BICC1: variants seen among roughly 807,000 people sequenced by gnomAD.
BICC1 encodes the protein protein bicaudal C homolog 1.
In BICC1, 43 loss-of-function variants were observed where a neutral mutation model predicts 111.0. The ratio of observed to expected loss-of-function variants is 0.39; its 90% CI spans 0.30 to 0.50. The LOEUF (loss-of-function observed/expected upper bound fraction) is 0.50, where lower values mean the gene tolerates loss of function less well. BICC1 is among the 20% of genes least tolerant of loss of function. The pLI is 0.88. For missense variants in BICC1, 1,091 were observed against 1,203.2 expected (o/e 0.91, Z 1.38); for synonymous variants, 467 against 434.4 (o/e 1.07, Z -0.93).
chr10:58,550,273 C>T (rs1843261372), intron 1 of BICC1, among the ~76,000 whole-genome samples: 2 of 152,278 alleles, frequency 1.3e-5, no homozygotes, highest in East Asian at 3.9e-4. Context: ...CCTCCCACCT[C>T]AGTCTCCTAA....
At chr10:58,783,378 C>T (rs1354399187) in intron 3 of BICC1, among the ~76,000 whole-genome samples, 1 of 152,016 alleles carries the variant, frequency 6.6e-6, no homozygotes, top group East Asian at 1.9e-4. Flanking sequence ...CCCTTCTTTC[C>T]TTCCTCCCTC....
chr10:58,565,979 C>T (rs527687006), intron 1 of BICC1, among the ~76,000 whole-genome samples: 1 of 152,078 alleles, frequency 6.6e-6, no homozygotes, highest in Non-Finnish European at 1.5e-5. Context: ...CACCTTTTCC[C>T]CTGAGTCCCT....
chr10:58,679,336 A>T (rs540148659), intron 2 of BICC1, among the ~76,000 whole-genome samples: 12 of 152,294 alleles, frequency 7.9e-5, no homozygotes, highest in African/African-American at 2.4e-4. Flanking sequence ...AGACAAAATT[A>T]AAAAAGATAA....
At chr10:58,691,828 A>G (rs748663890) in intron 2 of BICC1, among the ~76,000 whole-genome samples, 103 of 152,288 alleles carry the variant, frequency 6.8e-4, no homozygotes, top group Non-Finnish European at 1.2e-3. Flanking sequence ...TATCATGCAC[A>G]TATTTCCTGG....
rs1554824574 is a variant in BICC1 at position 58,715,945 on chromosome 10, A to C, written c.307+13802A>C. 1.6e-5 allele frequency: 22 copies of C among 1,371,748 alleles called. No individual in the cohort carries two copies. In the South Asian group the frequency reaches 2.8e-4, roughly 17 times the overall value. 85.0% of individuals were successfully genotyped at this position (1,371,748 alleles called of 1,614,324 possible). On this transcript the variant is annotated intron_variant, in intron 3 of 20. Transcript: ENST00000373886. ...TGAGGATAAGAAACAAGGAAAATGAAGAAAGAAAAAGAAGAACCGTTCACA... is the reference window on the plus strand; with the variant it reads ...TGAGGATAAGAAACAAGGAAAATGACGAAAGAAAAAGAAGAACCGTTCACA...
intron 3 of BICC1, among the ~76,000 whole-genome samples, chr10:58,764,954 A>T (rs922141485): frequency 7.9e-5 from 12 of 152,208 alleles, no homozygotes; most frequent in African/African-American, 2.9e-4. Context: ...AGCTTGTATT[A>T]AAAGAAAGTT....
rs1302616155 is a variant in BICC1 at position 58,669,110 on chromosome 10, G to A, written c.238-32964G>A. Among the ~76,000 whole-genome samples the A allele has an allele frequency of 2.0e-5, 3 of 151,816 alleles. No individual in the cohort carries two copies. The East Asian group carries it at 5.8e-4, about 29-fold the overall frequency. On this transcript the variant is annotated intron_variant, in intron 2 of 20. Coordinates refer to ENST00000373886, the MANE Select transcript of BICC1 (RefSeq NM_001080512.3). ...ATAAGCAATAAAATATAGTTTCTTA[G>A]GTAGTGTATATGAATAGGCAATTAA...
intron 1 of BICC1, among the ~76,000 whole-genome samples, chr10:58,596,523 C>T (rs553574721): frequency 2.0e-5 from 3 of 152,158 alleles, no homozygotes; most frequent in Non-Finnish European, 4.4e-5. Flanking sequence ...CCCTCTCTCA[C>T]CACTCCTATT....
intron 11 of BICC1, 21 bp from the exon 12 acceptor site, chr10:58,799,035 C>T (rs775569794): frequency 1.4e-6 from 2 of 1,480,948 alleles, no homozygotes; most frequent in East Asian, 4.6e-5. Flanking sequence ...TAATATCTGT[C>T]ATCATAAAAT....
chr10:58,613,284 A>G (rs1008539493), intron 1 of BICC1, among the ~76,000 whole-genome samples: 4 of 152,212 alleles, frequency 2.6e-5, no homozygotes, highest in African/African-American at 9.6e-5. Flanking sequence ...AACATCAGGC[A>G]GACGTTATAT....
intron 1 of BICC1, among the ~76,000 whole-genome samples, chr10:58,597,286 G>A (rs924755499): frequency 2.6e-5 from 4 of 152,094 alleles, no homozygotes; most frequent in Middle Eastern, 6.8e-3. Context: ...AAAGGGGAGG[G>A]GGTGTAAGAA....
chr10:58,607,289 C>G (rs953570889), intron 1 of BICC1, among the ~76,000 whole-genome samples: 1 of 38,218 alleles, frequency 2.6e-5, no homozygotes, highest in Non-Finnish European at 7.2e-5. Context: ...GCACTCCAGC[C>G]TGGGCAACAA....
At chr10:58,805,641 C>T (rs1486592848) in intron 15 of BICC1, among the ~76,000 whole-genome samples, 2 of 152,128 alleles carry the variant, frequency 1.3e-5, no homozygotes, top group Non-Finnish European at 2.9e-5. Context: ...TTATCTTGGC[C>T]TAATTGTTAT....
intron 1 of BICC1, among the ~76,000 whole-genome samples, chr10:58,578,283 T>C (rs959040965): frequency 6.6e-6 from 1 of 152,112 alleles, no homozygotes; most frequent in Non-Finnish European, 1.5e-5. Context: ...TATTTCCGAG[T>C]TGTTATTTTT....
chr10:58,598,685 C>T (rs1844918242), intron 1 of BICC1, among the ~76,000 whole-genome samples: 2 of 152,118 alleles, frequency 1.3e-5, no homozygotes, highest in Admixed American at 1.3e-4. Context: ...AGAGCTTCTG[C>T]ACAGCAAAAG....
chr10:58,600,116 C>G (rs1470070782), intron 1 of BICC1, among the ~76,000 whole-genome samples: 1 of 152,146 alleles, frequency 6.6e-6, no homozygotes, highest in Non-Finnish European at 1.5e-5. Context: ...GTTGTAGTCA[C>G]TGCTTCTGCC....
intron 18 of BICC1, among the ~76,000 whole-genome samples, chr10:58,817,132 G>A (rs143705748): frequency 2.4e-4 from 36 of 152,244 alleles, no homozygotes; most frequent in African/African-American, 7.9e-4. Context: ...AAGCACAGGT[G>A]TAGATACAGA....
At position 58,799,137 on chromosome 10, in the gene BICC1, C is replaced by T. The variant is rs752282661; in HGVS notation, c.1610C>T (p.Thr537Ile). The T allele has an allele frequency of 7.4e-6, 12 of 1,612,768 alleles. No individual in the cohort carries two copies. The highest frequency in any genetic ancestry group is 9.3e-6 in the Non-Finnish European group (11 of 1,178,836). ...LTNILLSGVPTYGHTAPSPPP... is the reference protein window; with the variant it reads ...LTNILLSGVPIYGHTAPSPPP... ...AATATTTTGTTGTCTGGAGTGCCCA[C>T]CTATGGGCACACAGCTCCATCTCCC... The change falls in exon 12 of 21, where the codon ACC (threonine) becomes ATC (isoleucine). Residue 537 changes from threonine (T) to isoleucine (I), a missense_variant. Thr to Ile is a moderately conservative substitution (Grantham distance 89). Transcript: ENST00000373886.
intron 3 of BICC1, among the ~76,000 whole-genome samples, chr10:58,709,804 A>C (rs914957317): frequency 1.3e-5 from 2 of 152,180 alleles, no homozygotes; most frequent in Admixed American, 6.5e-5. Context: ...GAATAGTCCT[A>C]ATGATGACTG....
Sources: gnomAD v4.1 joint callset for allele counts (sites outside exome capture counted in the v4.1 genomes callset) on GRCh38, gnomAD v4.1.1 for gene constraint, MANE v1.5 for transcripts, NCBI Gene and HGNC (gene_info 2026-07-23, HGNC 2026-07-21) for gene names.